DHX38: variants seen among roughly 807,000 people sequenced by gnomAD.
DHX38 encodes the protein DEAH-box helicase 38, also known as pre-mRNA-splicing factor ATP-dependent RNA helicase PRP16.
DHX38 carries 100 observed loss-of-function variants against 153.1 expected under a neutral mutation model. The ratio of observed to expected loss-of-function variants is 0.65; its 90% CI spans 0.56 to 0.77. DHX38 has a LOEUF of 0.77. Ranked by LOEUF, DHX38 falls within the 30% of genes least tolerant of loss-of-function variation. The pLI is 0.00. For missense variants in DHX38, 1,440 were observed against 1,654.0 expected (o/e 0.87, Z 2.24); for synonymous variants, 650 against 631.7 (o/e 1.03, Z -0.43).
At position 72,101,542 on chromosome 16, in the gene DHX38, G is replaced by C; in HGVS notation, c.1429G>C (p.Asp477His). The change falls in exon 11 of 27, where the codon GAT becomes CAT. Residue 477 changes from aspartate (D) to histidine (H), a missense_variant. Transcript: ENST00000268482. The stretch of plus-strand genomic sequence containing the variant: ...GGAACTGGCGGGGACCAAACTGGGA[G>C]ATATAATGGGCGTCAAGAAGGAGGA... ...HWELAGTKLG[D>H]IMGVKKEEEP... 1 of 1,552,150 alleles carries C rather than the reference G, an allele frequency of 6.4e-7. No homozygotes were observed.
chr16:72,110,837 T>C (rs980137960), intron 25 of DHX38, 119 bp from the exon 26 acceptor site: 1 of 1,366,910 alleles, frequency 7.3e-7, no homozygotes, highest in Non-Finnish European at 9.8e-7. Flanking sequence ...CAGGCAGCCA[T>C]GTGGAGCACT....
chr16:72,103,901 G>T, intron 13 of DHX38, 45 bp from the exon 14 acceptor site: 1 of 1,609,180 alleles, frequency 6.2e-7, no homozygotes, highest in Non-Finnish European at 8.5e-7. Flanking sequence ...TGTGCTGGTG[G>T]TGAGCCGGTG....
chr16:72,103,887 G>C (rs556589281), intron 13 of DHX38, 59 bp from the exon 14 acceptor site: 10 of 1,605,312 alleles, frequency 6.2e-6, no homozygotes, highest in Middle Eastern at 1.7e-4. Context: ...ACCCCAGTAC[G>C]GGGTGTGCTG....
In DHX38 at chr16:72,097,152, C is replaced by T. The variant is rs1246293557; in HGVS notation, c.511+143C>T. 6 of 881,006 alleles carry T rather than the reference C, an allele frequency of 6.8e-6. No homozygotes were observed. In the East Asian group the frequency reaches 1.4e-4, roughly 20 times the overall value. The allele number at this position is 881,006 out of a possible 1,614,324, so 54.6% of individuals were successfully genotyped here. ...GTCCGCCTGAGTGGTTTTGACCCTG[C>T]TGGGATTGGGAATACTAGTTTAAGA... On this transcript the variant is annotated intron_variant, in intron 3 of 26. Coordinates refer to ENST00000268482, the MANE Select transcript of DHX38 (RefSeq NM_014003.4).
intron 4 of DHX38, among the ~76,000 whole-genome samples, chr16:72,098,304 G>C (rs550736947): frequency 6.6e-6 from 1 of 152,098 alleles, no homozygotes; most frequent in South Asian, 2.1e-4. Flanking sequence ...GTGGTGGTGG[G>C]TACCTATAAT....
chr16:72,111,149 T>C (rs1398384241), intron 26 of DHX38, 72 bp downstream of exon 26: 10 of 1,474,984 alleles, frequency 6.8e-6, no homozygotes, highest in African/African-American at 1.4e-5. Context: ...CAGGCCCTGA[T>C]GCAGGGTCAG....
rs752315632 is a variant in DHX38 at position 72,101,134 on chromosome 16, A to G, written c.1327A>G (p.Ile443Val). Residue 443 changes from isoleucine (I) to valine (V), a missense_variant, in exon 10 of 27, where the codon ATT becomes GTT. Around this residue, in one of 6 missense-constraint regions of DHX38, gnomAD observed 241 missense variants for 229.5 expected, o/e 1.05. Transcript: ENST00000268482. Reference sequence around the variant, plus strand: ...GGATGCTACTTCTGACCTGGCCATCATTGCTCGGAAAGGCAGCCAGACAGT... The same window carrying G: ...GGATGCTACTTCTGACCTGGCCATCGTTGCTCGGAAAGGCAGCCAGACAGT... ...VKDATSDLAI[I>V]ARKGSQTVRK... The G allele has an allele frequency of 4.3e-6, 7 of 1,614,104 alleles. No homozygotes were observed. The highest frequency in any genetic ancestry group is 3.3e-4 in the Middle Eastern group (2 of 6,084).
At chr16:72,109,578 T>A in intron 25 of DHX38, 68 bp downstream of exon 25, 1 of 1,454,686 alleles carries the variant, frequency 6.9e-7, no homozygotes, top group Non-Finnish European at 9.3e-7. Context: ...CCGCTTGGTA[T>A]TGAAGACTTG....
Position 72,101,481 on chromosome 16 carries a change from T to C in DHX38, c.1387-19T>C. ...AGTCATGTGGCAGGATGGAGCAGAC[T>C]GACCTTTTTCCTTTTCAGGCTCAGC... On this transcript the variant is annotated intron_variant, in intron 10 of 26. Coordinates refer to ENST00000268482, the MANE Select transcript of DHX38 (RefSeq NM_014003.4). The C allele has an allele frequency of 6.5e-7, 1 of 1,549,594 alleles. No homozygotes were observed. Among genetic ancestry groups the C allele is most frequent in the Non-Finnish European group, 8.7e-7 (1 of 1,145,154 alleles).
intron 3 of DHX38, 21 bp from the exon 4 acceptor site, chr16:72,097,656 G>A (rs1398297591): frequency 1.2e-6 from 2 of 1,610,790 alleles, no homozygotes; most frequent in Non-Finnish European, 1.7e-6. Flanking sequence ...ATGTTTTTAA[G>A]CTTCGTGTGA....
rs780833182 is a variant in DHX38 at position 72,108,485 on chromosome 16, C to G, written c.3133C>G (p.Arg1045Gly). 1 of 1,614,108 alleles carries G rather than the reference C, an allele frequency of 6.2e-7. No individual in the cohort carries two copies. Among genetic ancestry groups the G allele is most frequent in the Non-Finnish European group, 8.5e-7 (1 of 1,180,002 alleles). ...TCTCCTGCCCTAGGTCCGGGAGGTG[C>G]GAGCTCAACTCAAGGACATCATGGT... is the stretch of plus-strand genomic sequence containing the variant. Reference protein sequence around the residue: ...AKAMRKVREVRAQLKDIMVQQ... With the variant: ...AKAMRKVREVGAQLKDIMVQQ... Residue 1045 changes from arginine to glycine, a missense_variant, in exon 23 of 27, where the codon CGA (arginine) becomes GGA (glycine). Around this residue, in one of 6 missense-constraint regions of DHX38, gnomAD observed 543 missense variants for 717.9 expected, o/e 0.76. Transcript: ENST00000268482.
chr16:72,108,692 A>G (rs904549444), intron 23 of DHX38, 85 bp downstream of exon 23: 3 of 1,588,772 alleles, frequency 1.9e-6, no homozygotes, highest in Non-Finnish European at 2.6e-6. Context: ...GTGGTTCTGC[A>G]GATCTGGGCT....
At chr16:72,110,902 CTCCT>C (rs2144180998) in intron 25 of DHX38, 50 bp from the exon 26 acceptor site, 1 of 1,522,730 alleles carries the variant, frequency 6.6e-7, no homozygotes, top group Non-Finnish European at 8.9e-7. Context: ...CCGACGAGGC[CTCCT>C]TCCTTAGTGG....
intron 22 of DHX38, 45 bp from the exon 23 acceptor site, chr16:72,108,428 G>T (rs763948055): frequency 1.2e-6 from 2 of 1,613,694 alleles, no homozygotes; most frequent in Non-Finnish European, 1.7e-6. Flanking sequence ...GGAGGGTCGA[G>T]AGGAAAGGAG....
rs2042219603 is a variant in DHX38 at position 72,108,844 on chromosome 16, C to G, written c.3300C>G (p.His1100Gln). The G allele has an allele frequency of 6.2e-7, 1 of 1,613,992 alleles. No homozygotes were observed. Among genetic ancestry groups the G allele is most frequent in the Non-Finnish European group, 8.5e-7 (1 of 1,180,028 alleles). Residue 1100 changes from histidine to glutamine, a missense_variant, in exon 24 of 27, where the codon CAC becomes CAG. Transcript: ENST00000268482. Reference sequence around the variant, plus strand: ...ACATCCGCACAGGGATGCCCTGCCACTTGCACCCCACCAGCTCCCTTTTTG... The same window carrying G: ...ACATCCGCACAGGGATGCCCTGCCAGTTGCACCCCACCAGCTCCCTTTTTG... ...YVNIRTGMPC[H>Q]LHPTSSLFGM...
Position 72,108,519 on chromosome 16 carries a change from G to A in DHX38, c.3167G>A (p.Arg1056Gln), listed in dbSNP as rs2042214400. The A allele has an allele frequency of 1.2e-6, 2 of 1,614,194 alleles. No homozygotes were observed. The highest frequency in any genetic ancestry group is 1.7e-6 in the Non-Finnish European group (2 of 1,180,038). Reference sequence around the variant, plus strand: ...CTCAAGGACATCATGGTGCAGCAGCGGATGAGCCTGGCCTCGTGTGGCACT... The same window carrying A: ...CTCAAGGACATCATGGTGCAGCAGCAGATGAGCCTGGCCTCGTGTGGCACT... Reference protein sequence around the residue: ...AQLKDIMVQQRMSLASCGTDW... With the variant: ...AQLKDIMVQQQMSLASCGTDW... The change falls in exon 23 of 27, where the codon CGG becomes CAG. Residue 1056 changes from arginine to glutamine, a missense_variant. This residue lies in a region of DHX38 where 543 missense variants were observed against 717.9 expected (regional missense o/e 0.76). Transcript: ENST00000268482.
Position 72,101,375 on chromosome 16 carries a change from G to C in DHX38, c.1387-125G>C. The stretch of plus-strand genomic sequence containing the variant: ...AGGCTTGAGGATTGGAATGTGGCTC[G>C]GTGCCACCAGCACTCTGGGGGAGTT... On this transcript the variant is annotated intron_variant, in intron 10 of 26. Coordinates refer to ENST00000268482, the MANE Select transcript of DHX38 (RefSeq NM_014003.4). 7.0e-6 allele frequency: 8 copies of C among 1,147,430 alleles called. No homozygotes were observed. The South Asian group carries it at 7.5e-5, about 11-fold the overall frequency. The allele number at this position is 1,147,430 out of a possible 1,614,324, so 71.1% of individuals were successfully genotyped here.
At chr16:72,103,050 G>A (rs749763715) in intron 11 of DHX38, 24 bp from the exon 12 acceptor site, 1 of 1,613,442 alleles carries the variant, frequency 6.2e-7, no homozygotes, top group Admixed American at 1.7e-5. Flanking sequence ...CATGCAGGGT[G>A]TTTAGGCTGC....
intron 12 of DHX38, 52 bp from the exon 13 acceptor site, chr16:72,103,550 G>T (rs2042128973): frequency 6.4e-7 from 1 of 1,572,538 alleles, no homozygotes; most frequent in East Asian, 2.3e-5. Context: ...TGGAGGCTGG[G>T]TGTTGGCCTT....
Sources: gnomAD v4.1 joint callset for allele counts (sites outside exome capture counted in the v4.1 genomes callset) on GRCh38, gnomAD v4.1.1 for gene constraint, gnomAD v4.1.1 regional missense constraint, MANE v1.5 for transcripts, NCBI Gene and HGNC (gene_info 2026-07-23, HGNC 2026-07-21) for gene names.